The following CDKL5 variants were observed in gnomAD, a reference collection of about 807,000 sequenced individuals.
CDKL5 encodes cyclin dependent kinase like 5.
A neutral mutation model predicts 61.7 loss-of-function variants in CDKL5; 8 were observed. The observed-to-expected ratio is 0.13, with a 90% CI of 0.08 to 0.23. CDKL5 has a LOEUF of 0.23. CDKL5 is among the 10% of genes least tolerant of loss of function. CDKL5 has a pLI of 1.00. For synonymous variants in CDKL5, 275 were observed against 272.3 expected (o/e 1.01, Z -0.10); for missense variants, 440 against 734.5 (o/e 0.60, Z 4.63).
chrX:18,615,540 C>T (rs1926689978), intron 15 of CDKL5, among the ~76,000 whole-genome samples: 1 of 111,592 alleles, frequency 9.0e-6, no homozygotes, highest in Non-Finnish European at 1.9e-5. Flanking sequence ...ACCTCAGCCT[C>T]CTGAGTAGCC....
chrX:18,500,988 A>T (rs1241981102), intron 1 of CDKL5, among the ~76,000 whole-genome samples: 2 of 110,834 alleles, frequency 1.8e-5, no homozygotes, highest in African/African-American at 6.6e-5. Context: ...ACAGGCACCC[A>T]CCATCACACC....
downstream of CDKL5, among the ~76,000 whole-genome samples, chrX:18,643,829 A>AATATATATATATATATATATATATAT (rs755520723): frequency 2.8e-5 from 3 of 105,881 alleles, no homozygotes; most frequent in Non-Finnish European, 5.8e-5. Flanking sequence ...ATTCATAGCA[A>AATATATATATATATATATATATATAT]ATATATATAT....
intron 9 of CDKL5, among the ~76,000 whole-genome samples, chrX:18,591,411 C>A (rs947781334): frequency 2.7e-5 from 3 of 111,230 alleles, no homozygotes; most frequent in Non-Finnish European, 5.7e-5. Flanking sequence ...TGAAACTCAA[C>A]TGTATTTCTT....
chrX:18,560,821 T>C, intron 3 of CDKL5, among the ~76,000 whole-genome samples: 1 of 110,689 alleles, frequency 9.0e-6, no homozygotes, highest in East Asian at 2.8e-4. Context: ...ATATTCCAAA[T>C]AATTTAAAAT....
intron 1 of CDKL5, among the ~76,000 whole-genome samples, chrX:18,498,532 A>G (rs1218946606): frequency 9.0e-6 from 1 of 110,973 alleles, no homozygotes; most frequent in Admixed American, 9.6e-5. Context: ...TCATGTTTCC[A>G]GTTTTTAGTA....
chrX:18,519,948 T>C (rs1314295053), intron 3 of CDKL5, among the ~76,000 whole-genome samples: 1 of 111,845 alleles, frequency 8.9e-6, no homozygotes, highest in African/African-American at 3.3e-5. Flanking sequence ...ACATTAACCA[T>C]AAAAGTTAGA....
chrX:18,539,582 T>C (rs1310829314), intron 3 of CDKL5, among the ~76,000 whole-genome samples: 1 of 111,994 alleles, frequency 8.9e-6, no homozygotes, highest in East Asian at 2.8e-4. Flanking sequence ...CTCTGTATGA[T>C]TTCAGCTCTT....
intron 3 of CDKL5, among the ~76,000 whole-genome samples, chrX:18,532,467 A>T (rs1159115726): frequency 9.0e-6 from 1 of 111,189 alleles, no homozygotes; most frequent in Non-Finnish European, 1.9e-5. Flanking sequence ...TTTGAAGAAG[A>T]ACTCAGTTTT....
intron 4 of CDKL5, among the ~76,000 whole-genome samples, chrX:18,575,006 T>G (rs1925249431): frequency 8.9e-6 from 1 of 111,879 alleles, no homozygotes; most frequent in Admixed American, 9.5e-5. Context: ...AGTGTTATAG[T>G]TCAGATGACA....
chrX:18,555,378 T>G (rs1924564278), intron 3 of CDKL5, among the ~76,000 whole-genome samples: 1 of 112,496 alleles, frequency 8.9e-6, no homozygotes. Flanking sequence ...CATATGCTAG[T>G]TACATGATTT....
chrX:18,563,402 C>G (rs1450975997), intron 3 of CDKL5, among the ~76,000 whole-genome samples: 2 of 111,503 alleles, frequency 1.8e-5, no homozygotes, highest in Non-Finnish European at 3.8e-5. Context: ...AATAAAATAC[C>G]TGGAAGAAGG....
intron 3 of CDKL5, among the ~76,000 whole-genome samples, chrX:18,513,688 CT>C (rs1174148406): frequency 9.0e-6 from 1 of 111,219 alleles, no homozygotes; most frequent in African/African-American, 3.3e-5. Flanking sequence ...TTATAAAACT[CT>C]TTTTTAGAAT....
At chrX:18,592,338 A>G (rs990698606) in intron 9 of CDKL5, among the ~76,000 whole-genome samples, 7 of 112,722 alleles carry the variant, frequency 6.2e-5, no homozygotes, top group Non-Finnish European at 1.1e-4. Context: ...GAGAGTGTCA[A>G]ATATTCTGGA....
chrX:18,645,917 G>A, intron 19 of CDKL5: 4 of 1,192,185 alleles, frequency 3.4e-6, no homozygotes, highest in Non-Finnish European at 3.4e-6. Context: ...TCAATGGGAT[G>A]TGGGCAGAAG....
intron 1 of CDKL5, among the ~76,000 whole-genome samples, chrX:18,468,768 C>A (rs1406304050): frequency 9.0e-6 from 1 of 111,525 alleles, no homozygotes; most frequent in Admixed American, 9.6e-5. Context: ...TTTTCAGATA[C>A]AATCAATTTT....
chrX:18,525,256 G>A lies in CDKL5; in HGVS notation c.99+14402G>A, dbSNP rs942176265. On this transcript the variant is annotated intron_variant, in intron 3 of 17. Coordinates refer to ENST00000623535, the MANE Select transcript of CDKL5 (RefSeq NM_001323289.2). ...AAGGACTACAGGTACATGCCACCAC[G>A]CCTGGCTAATTTTTATATTTTTAGT... is the stretch of plus-strand genomic sequence containing the variant. Among the ~76,000 whole-genome samples, 4 of 111,010 alleles carry A rather than the reference G, an allele frequency of 3.6e-5. No homozygotes were observed. In the Admixed American group the frequency reaches 3.8e-4, roughly 11 times the overall value.
At chrX:18,483,332 G>T (rs1334635636) in intron 1 of CDKL5, among the ~76,000 whole-genome samples, 1 of 111,592 alleles carries the variant, frequency 9.0e-6, no homozygotes, top group Non-Finnish European at 1.9e-5. Context: ...ATGACACCCA[G>T]ATGTGTCAGT....
At chrX:18,480,993 G>A (rs1921531888) in intron 1 of CDKL5, among the ~76,000 whole-genome samples, 1 of 109,046 alleles carries the variant, frequency 9.2e-6, no homozygotes, top group Non-Finnish European at 1.9e-5. Context: ...GAGTAGCTTG[G>A]ATTACAGGTG....
intron 16 of CDKL5, 114 bp downstream of exon 16, chrX:18,620,080 AT>A: frequency 2.0e-6 from 1 of 502,075 alleles, no homozygotes; most frequent in Non-Finnish European, 3.4e-6. Flanking sequence ...GAGACTTGAC[AT>A]TTTTGCACTG....
Sources: allele counts gnomAD v4.1 joint callset (sites outside exome capture counted in the v4.1 genomes callset), GRCh38; gene constraint gnomAD v4.1.1; transcripts MANE v1.5; gene names NCBI Gene and HGNC (gene_info 2026-07-23, HGNC 2026-07-21).